UTRN: variants seen among roughly 807,000 people sequenced by gnomAD.
The protein encoded by UTRN is dystrophin-related protein 1.
In UTRN, 283 loss-of-function variants were observed where a neutral mutation model predicts 463.9. That is an observed-to-expected ratio of 0.61 (90% CI 0.55 to 0.67). The LOEUF is 0.67. Ranked by LOEUF, UTRN falls within the 30% of genes least tolerant of loss-of-function variation. The pLI is 0.00. For missense variants in UTRN, 3,922 were observed against 4,084.3 expected (o/e 0.96, Z 1.08); for synonymous variants, 1,442 against 1,431.5 (o/e 1.01, Z -0.17).
intron 60 of UTRN, among the ~76,000 whole-genome samples, chr6:144,777,182 T>C (rs1422992031): frequency 6.6e-6 from 1 of 152,152 alleles, no homozygotes; most frequent in African/African-American, 2.4e-5. Flanking sequence ...GAAGGTTATA[T>C]AGCAGTACTC....
At chr6:144,673,899 T>A (rs1381782708) in intron 51 of UTRN, among the ~76,000 whole-genome samples, 2 of 152,214 alleles carry the variant, frequency 1.3e-5, no homozygotes, top group African/African-American at 4.8e-5. Context: ...GCTTAATTTA[T>A]GAAGCTTAGT....
intron 66 of UTRN, among the ~76,000 whole-genome samples, chr6:144,825,769 A>G (rs1226712481): frequency 6.6e-6 from 1 of 152,224 alleles, no homozygotes; most frequent in Non-Finnish European, 1.5e-5. Flanking sequence ...TATATAGCAT[A>G]TCATTCACCT....
intron 51 of UTRN, among the ~76,000 whole-genome samples, chr6:144,590,843 T>TACACACACACACAC (rs10531216): frequency 6.9e-6 from 1 of 145,900 alleles, no homozygotes; most frequent in African/African-American, 2.6e-5. Flanking sequence ...TCTCTCAATC[T>TACACACACACACAC]ACACACACAC....
At chr6:144,758,155 T>A in intron 58 of UTRN, 166 bp downstream of exon 58, 1 of 542,444 alleles carries the variant, frequency 1.8e-6, no homozygotes, top group Non-Finnish European at 3.2e-6. Context: ...AACATGAGAA[T>A]TATATTTTTC....
chr6:144,641,777 C>T (rs1777794091), intron 51 of UTRN, among the ~76,000 whole-genome samples: 1 of 151,766 alleles, frequency 6.6e-6, no homozygotes, highest in Non-Finnish European at 1.5e-5. Context: ...TTGAGTAGAA[C>T]TCGTTATTAA....
chr6:144,320,423 A>C (rs1775568008), intron 2 of UTRN, among the ~76,000 whole-genome samples: 1 of 152,128 alleles, frequency 6.6e-6, no homozygotes, highest in South Asian at 2.1e-4. Context: ...CCAGGTTACC[A>C]GGTCTGGATG....
intron 34 of UTRN, among the ~76,000 whole-genome samples, chr6:144,503,021 A>C (rs1033859575): frequency 6.6e-6 from 1 of 152,008 alleles, no homozygotes; most frequent in East Asian, 1.9e-4. Flanking sequence ...GCTTTTTTTC[A>C]TATGTTTTTT....
At chr6:144,497,864 TA>T (rs1283022047) in intron 33 of UTRN, among the ~76,000 whole-genome samples, 1 of 152,128 alleles carries the variant, frequency 6.6e-6, no homozygotes, top group African/African-American at 2.4e-5. Context: ...AGGTCATAAT[TA>T]AAGTAATCAG....
intron 31 of UTRN, among the ~76,000 whole-genome samples, chr6:144,490,626 A>G (rs1562479149): frequency 6.6e-6 from 1 of 152,190 alleles, no homozygotes; most frequent in Non-Finnish European, 1.5e-5. Context: ...TTCCTGAACT[A>G]TCTTTTTGAA....
At chr6:144,303,086 A>C (rs1484238951) in intron 2 of UTRN, among the ~76,000 whole-genome samples, 1 of 152,210 alleles carries the variant, frequency 6.6e-6, no homozygotes, top group Admixed American at 6.5e-5. Flanking sequence ...GGAAAGATAG[A>C]TTTGGAAGGT....
intron 3 of UTRN, among the ~76,000 whole-genome samples, chr6:144,421,242 C>G (rs1784809012): frequency 6.6e-6 from 1 of 152,104 alleles, no homozygotes; most frequent in Non-Finnish European, 1.5e-5. Flanking sequence ...TCTGAGCTTG[C>G]CTCGGCCTCC....
At chr6:144,595,054 A>G (rs1443525865) in intron 51 of UTRN, among the ~76,000 whole-genome samples, 4 of 152,208 alleles carry the variant, frequency 2.6e-5, no homozygotes, top group Non-Finnish European at 5.9e-5. Flanking sequence ...TATTTAGAAT[A>G]CAGTACAAGT....
At chr6:144,783,948 G>C (rs1476214346) in intron 61 of UTRN, among the ~76,000 whole-genome samples, 1 of 151,944 alleles carries the variant, frequency 6.6e-6, no homozygotes, top group Non-Finnish European at 1.5e-5. Flanking sequence ...AGTTCTCCTA[G>C]GGTAAAATAT....
At chr6:144,637,641 T>TA (rs1302071683) in intron 51 of UTRN, among the ~76,000 whole-genome samples, 4,226 of 143,968 alleles carry the variant, frequency 0.029, 181 homozygotes, top group African/African-American at 0.092. Flanking sequence ...ACACGTTGTT[T>TA]AAAAAAAAAA....
At position 144,436,042 on chromosome 6, in the gene UTRN, G is replaced by A. The variant is rs1377887997; in HGVS notation, c.963G>A (p.Val321=). Residue 321 remains valine (V), a synonymous_variant, in exon 10 of 75, where the codon GTG becomes GTA. Coordinates refer to ENST00000367545, the MANE Select transcript of UTRN (RefSeq NM_007124.3). ...LDSYQIALEE[V]LTWLLSAEDT... is the part of the protein sequence containing the mutation. ...GCTATCAGATTGCGTTGGAGGAAGT[G>A]CTGACCTGGTTGCTTTCTGCTGAGG... The A allele has an allele frequency of 1.9e-6, 3 of 1,614,124 alleles. No homozygotes were observed. Among genetic ancestry groups the A allele is most frequent in the Non-Finnish European group, 2.5e-6 (3 of 1,180,058 alleles).
chr6:144,495,411 T>A (rs1793530862), intron 33 of UTRN, among the ~76,000 whole-genome samples: 1 of 152,354 alleles, frequency 6.6e-6, no homozygotes, highest in South Asian at 2.1e-4. Context: ...CCTCATTGCC[T>A]GGGGCCGGCA....
chr6:144,636,016 A>G (rs764985656), intron 51 of UTRN, among the ~76,000 whole-genome samples: 5 of 152,064 alleles, frequency 3.3e-5, no homozygotes, highest in Non-Finnish European at 7.4e-5. Flanking sequence ...ATATGTATGA[A>G]TTTTAAGTAC....
At chr6:144,327,885 A>C (rs1027267131) in intron 2 of UTRN, among the ~76,000 whole-genome samples, 9 of 151,740 alleles carry the variant, frequency 5.9e-5, no homozygotes, top group Non-Finnish European at 8.8e-5. Context: ...TGGAGGTTGC[A>C]GTGAGCCGAG....
Position 144,493,469 on chromosome 6 carries a change from G to A in UTRN, c.4593+13G>A, listed in dbSNP as rs1403464646. The A allele has an allele frequency of 6.2e-7, 1 of 1,607,524 alleles. No homozygotes were observed. Among genetic ancestry groups the A allele is most frequent in the Non-Finnish European group, 8.5e-7 (1 of 1,175,808 alleles). ...CCTGGGCGCACAGGTGAGGAGAGCA[G>A]CCCCACAGCTCATCTCTCTGTCTCT... On this transcript the variant is annotated intron_variant, in intron 33 of 74. Transcript: ENST00000367545.
Sources: gnomAD v4.1 joint callset for allele counts (sites outside exome capture counted in the v4.1 genomes callset) on GRCh38, gnomAD v4.1.1 for gene constraint, MANE v1.5 for transcripts, NCBI Gene and HGNC (gene_info 2026-07-23, HGNC 2026-07-21) for gene names.